PRRC2A: variants seen among roughly 807,000 people sequenced by gnomAD.
PRRC2A encodes the protein proline rich coiled-coil 2A.
A neutral mutation model predicts 224.6 loss-of-function variants in PRRC2A; 59 were observed. That is an observed-to-expected ratio of 0.26 (90% CI 0.21 to 0.33). The LOEUF is 0.33. PRRC2A is among the 10% of genes least tolerant of loss of function. The pLI, the probability that PRRC2A is intolerant of heterozygous loss-of-function variation, is 1.00. For synonymous variants in PRRC2A, 1,194 were observed against 1,109.5 expected, an observed-to-expected ratio of 1.08 and a Z score of -1.51; for missense variants, 3,095 against 2,880.7, an observed-to-expected ratio of 1.07 and a Z score of -1.70.
intron 5 of PRRC2A, 181 bp from the exon 6 acceptor site, chr6:31,624,990 G>C: frequency 1.5e-6 from 1 of 665,290 alleles, no homozygotes; most frequent in South Asian, 1.9e-5. Context: ...TAGTAGAGAT[G>C]GGGTTTCACA....
intron 1 of PRRC2A, among the ~76,000 whole-genome samples, chr6:31,621,198 C>T (rs1283277054): frequency 6.8e-5 from 4 of 58,404 alleles, no homozygotes; most frequent in Admixed American, 2.0e-4. Flanking sequence ...CCCTCCCCGG[C>T]TGCCGCCCCG....
rs770283037 is a variant in PRRC2A at position 31,637,148 on chromosome 6, T to G, written c.6242+12T>G. ...CCCCCAACTGGAAGGTGAAACGGAA[T>G]AGGGATGTGGACTTTCCAAGTGCTT... On this transcript the variant is annotated intron_variant, in intron 29 of 30. Coordinates refer to ENST00000376033, the MANE Select transcript of PRRC2A (RefSeq NM_004638.4). 6.2e-7 allele frequency: 1 copy of G among 1,610,664 alleles called. No homozygotes were observed. Among genetic ancestry groups the G allele is most frequent in the Non-Finnish European group, 8.5e-7 (1 of 1,178,344 alleles).
chr6:31,629,060 A>C, intron 12 of PRRC2A, 84 bp from the exon 13 acceptor site: 182 of 1,341,134 alleles, frequency 1.4e-4, no homozygotes, highest in Middle Eastern at 2.4e-4. Flanking sequence ...TAAGGGAGCT[A>C]GAGATGAGAC....
chr6:31,636,640 T>C lies in PRRC2A; in HGVS notation c.5934+32T>C, dbSNP rs1224854096. On this transcript the variant is annotated intron_variant, in intron 27 of 30. Coordinates refer to ENST00000376033, the MANE Select transcript of PRRC2A (RefSeq NM_004638.4). This position sits in a 1 kb window ranked among gnomAD's most constrained non-coding sequence, Gnocchi z 4.3. ...TGTATCTTCACACTTCCCCTTCATT[T>C]GATTTCTCTGTCCAGTTGCTGGCTT... The C allele has an allele frequency of 6.3e-7, 1 of 1,588,636 alleles. No homozygotes were observed. Among genetic ancestry groups the C allele is most frequent in the Non-Finnish European group, 8.6e-7 (1 of 1,163,468 alleles).
At position 31,632,358 on chromosome 6, in the gene PRRC2A, G is replaced by T. The variant is rs1330510585; in HGVS notation, c.3685G>T (p.Gly1229Cys). Residue 1229 changes from glycine to cysteine, a missense_variant, in exon 16 of 31, where the codon GGT becomes TGT. Around this residue, in one of 8 missense-constraint regions of PRRC2A, gnomAD observed 2,001 missense variants for 1,764.9 expected, o/e 1.13. Coordinates refer to ENST00000376033, the MANE Select transcript of PRRC2A (RefSeq NM_004638.4). ...SPVARGGSNG[G>C]SNVGMEDGER... The stretch of plus-strand genomic sequence containing the variant: ...TGTGGCGCGCGGAGGCAGCAATGGA[G>T]GTAGCAATGTGGGCATGGAAGATGG... The T allele has an allele frequency of 3.7e-6, 6 of 1,613,324 alleles. No homozygotes were observed. The highest frequency in any genetic ancestry group is 5.1e-6 in the Non-Finnish European group (6 of 1,179,946).
rs775963606 is a variant in PRRC2A, at chr6:31,632,700, C to T, written c.4027C>T (p.Pro1343Ser). ...ERRGDKEAPP[P>S]VLLTPKAVGT... ...CCGAGGGGACAAAGAGGCACCCCCA[C>T]CAGTACTGCTGACACCCAAGGCTGT... The change falls in exon 16 of 31, where the codon CCA (proline) becomes TCA (serine). Residue 1343 changes from proline to serine, a missense_variant. By Grantham distance (74) the Pro-to-Ser change is moderately conservative. This residue lies in a region of PRRC2A where 2,001 missense variants were observed against 1,764.9 expected (regional missense o/e 1.13). Transcript: ENST00000376033. The T allele has an allele frequency of 1.4e-5, 22 of 1,613,028 alleles. No individual in the cohort carries two copies. In the East Asian group the frequency reaches 4.2e-4, roughly 31 times the overall value.
At position 31,631,099 on chromosome 6, in the gene PRRC2A, C is replaced by T. The variant is rs748063845; in HGVS notation, c.2466-40C>T. On this transcript the variant is annotated intron_variant, in intron 15 of 30. Coordinates refer to ENST00000376033, the MANE Select transcript of PRRC2A (RefSeq NM_004638.4). The surrounding 1 kb of genome is among the most constrained non-coding windows in gnomAD (Gnocchi z 4.5). ...CTTTTCCCACCTAGTTCTGGTTTTC[C>T]TGAGATACTTATTTCCATTCTTTCT... 3.5e-6 allele frequency: 5 copies of T among 1,435,974 alleles called. No individual in the cohort carries two copies. The highest frequency in any genetic ancestry group is 3.8e-6 in the Non-Finnish European group (4 of 1,063,492). The allele number at this position is 1,435,974 out of a possible 1,614,324, so 89.0% of individuals were successfully genotyped here.
At chr6:31,634,679 T>C in intron 20 of PRRC2A, 74 bp from the exon 21 acceptor site, 1 of 1,565,160 alleles carries the variant, frequency 6.4e-7, no homozygotes, top group Non-Finnish European at 8.8e-7. Flanking sequence ...TTCTGCAGTT[T>C]GTATGTGTGC....
intron 1 of PRRC2A, among the ~76,000 whole-genome samples, chr6:31,622,112 T>A (rs1775357947): frequency 6.6e-6 from 1 of 152,186 alleles, no homozygotes; most frequent in African/African-American, 2.4e-5. Context: ...CAGCCCTAGT[T>A]GTTCTATGAG....
In PRRC2A at chr6:31,632,537, G is replaced by C; in HGVS notation, c.3864G>C (p.Glu1288Asp). 4.3e-6 allele frequency: 7 copies of C among 1,610,442 alleles called. No individual in the cohort carries two copies. The highest frequency in any genetic ancestry group is 5.9e-6 in the Non-Finnish European group (7 of 1,178,264). ...TLPASAPGPE[E>D]ALTTVTVAPA... is the part of the protein sequence containing the mutation. ...CAGCCTCCGCTCCTGGACCTGAGGA[G>C]GCCCTCACAACAGTCACAGTGGCCC... The change falls in exon 16 of 31, where the codon GAG becomes GAC. Residue 1288 changes from glutamate to aspartate, a missense_variant. Coordinates refer to ENST00000376033, the MANE Select transcript of PRRC2A (RefSeq NM_004638.4).
rs1367266743 is a variant in PRRC2A at position 31,625,794 on chromosome 6, G to A, written c.762G>A (p.Met254Ile). 4.4e-6 allele frequency: 7 copies of A among 1,574,208 alleles called. No homozygotes were observed. The highest frequency in any genetic ancestry group is 1.1e-5 in the South Asian group (1 of 90,214). The change falls in exon 8 of 31, where the codon ATG becomes ATA. Residue 254 changes from methionine to isoleucine, a missense_variant and splice_region_variant. Met to Ile is a conservative substitution (Grantham distance 10). Transcript: ENST00000376033. This position sits in a 1 kb window ranked among gnomAD's most constrained non-coding sequence, Gnocchi z 4.1. ...PPYRGMMPPF[M>I]YPPYLPFPPP... ...GCTACTGTTGGACCCTTTTACAGAT[G>A]TATCCCCCATATCTCCCGTTCCCTC...
Position 31,632,806 on chromosome 6 carries a change from A to C in PRRC2A, c.4133A>C (p.Lys1378Thr). 1.2e-6 allele frequency: 2 copies of C among 1,613,134 alleles called. No homozygotes were observed. The highest frequency in any genetic ancestry group is 1.7e-6 in the Non-Finnish European group (2 of 1,180,018). ...MSRGDLSQRAKDLSKRSFSSQ... is the reference protein window; with the variant it reads ...MSRGDLSQRATDLSKRSFSSQ... ...CGCGGAGATCTGAGCCAGAGAGCCA[A>C]GGATTTGAGTAAACGGAGCTTCTCA... The change falls in exon 16 of 31, where the codon AAG (lysine) becomes ACG (threonine). Residue 1378 changes from lysine (K) to threonine (T), a missense_variant. Transcript: ENST00000376033.
At chr6:31,633,775 G>C in intron 17 of PRRC2A, 84 bp from the exon 18 acceptor site, 1 of 1,530,946 alleles carries the variant, frequency 6.5e-7, no homozygotes. Flanking sequence ...AGCAAGGGTA[G>C]AAGAATTGGG....
chr6:31,636,510 G>A lies in PRRC2A; in HGVS notation c.5836G>A (p.Val1946Ile), dbSNP rs368045974. The A allele has an allele frequency of 2.1e-5, 34 of 1,609,378 alleles. 1 individual carries two copies. The highest frequency in any genetic ancestry group is 1.1e-4 in the East Asian group (5 of 44,800). ...TATATTTCTCCCTGTTTCCCGACAG[G>A]TACGCCAGGATCTGCCATCCCCTTC... Reference protein sequence around the residue: ...SPLPDTSLLQVRQDLPSPSDF... With the variant: ...SPLPDTSLLQIRQDLPSPSDF... The change falls in exon 27 of 31, where the codon GTA becomes ATA. Residue 1946 changes from valine to isoleucine, a missense_variant and splice_region_variant. By Grantham distance (29) the Val-to-Ile change is conservative. Transcript: ENST00000376033. This position sits in a 1 kb window ranked among gnomAD's most constrained non-coding sequence, Gnocchi z 4.3.
chr6:31,625,408 T>C lies in PRRC2A; in HGVS notation c.608-52T>C. 6.2e-7 allele frequency: 1 copy of C among 1,610,776 alleles called. No homozygotes were observed. The highest frequency in any genetic ancestry group is 1.1e-5 in the South Asian group (1 of 91,018). On this transcript the variant is annotated intron_variant, in intron 6 of 30. Coordinates refer to ENST00000376033, the MANE Select transcript of PRRC2A (RefSeq NM_004638.4). This position sits in a 1 kb window ranked among gnomAD's most constrained non-coding sequence, Gnocchi z 4.1. ...TTCCTCCCCATCACTTTCAGCTGTG[T>C]TCACTTGTCCTCCAATCATTGATAC...
At position 31,631,273 on chromosome 6, in the gene PRRC2A, C is replaced by G. The variant is rs377155981; in HGVS notation, c.2600C>G (p.Pro867Arg). Residue 867 changes from proline (P) to arginine (R), a missense_variant, in exon 16 of 31, where the codon CCC becomes CGC. Physicochemically the swap from Pro to Arg is moderately radical, Grantham distance 103. Transcript: ENST00000376033. This position sits in a 1 kb window ranked among gnomAD's most constrained non-coding sequence, Gnocchi z 4.5. ...EEPGPRPLPW[P>R]PGSDEVAKIQ... The stretch of plus-strand genomic sequence containing the variant: ...CCAGGGCCCCGTCCACTCCCCTGGC[C>G]CCCAGGCAGTGATGAAGTGGCCAAG... The G allele has an allele frequency of 6.2e-7, 1 of 1,612,416 alleles. No homozygotes were observed. The highest frequency in any genetic ancestry group is 8.5e-7 in the Non-Finnish European group (1 of 1,179,818).
At position 31,627,959 on chromosome 6, in the gene PRRC2A, A is replaced by G; in HGVS notation, c.1485A>G (p.Glu495=). ...ACAEKLKRLD[E]KFGAPDKRLK... Reference sequence around the variant, plus strand: ...CTGAGAAGCTCAAGCGACTCGATGAAAAGTTTGGGGCACCTGACAAGCGGC... The same window carrying G: ...CTGAGAAGCTCAAGCGACTCGATGAGAAGTTTGGGGCACCTGACAAGCGGC... The change falls in exon 12 of 31, where the codon GAA becomes GAG. Residue 495 remains glutamate, a synonymous_variant. Transcript: ENST00000376033. The surrounding 1 kb of genome is among the most constrained non-coding windows in gnomAD (Gnocchi z 5.6). 6.2e-7 allele frequency: 1 copy of G among 1,613,008 alleles called. No homozygotes were observed. The highest frequency in any genetic ancestry group is 8.5e-7 in the Non-Finnish European group (1 of 1,180,018).
At position 31,632,749 on chromosome 6, in the gene PRRC2A, G is replaced by C; in HGVS notation, c.4076G>C (p.Gly1359Ala). ...GTGGGAACTCCTGGGGGAGGTGGAG[G>C]TGGAGCCGTACCAGGTATTTCAGCC... ...KAVGTPGGGGGGAVPGISAMS... is the reference protein window; with the variant it reads ...KAVGTPGGGGAGAVPGISAMS... The change falls in exon 16 of 31, where the codon GGT becomes GCT. Residue 1359 changes from glycine to alanine, a missense_variant. Coordinates refer to ENST00000376033, the MANE Select transcript of PRRC2A (RefSeq NM_004638.4). The C allele has an allele frequency of 6.2e-7, 1 of 1,613,098 alleles. No homozygotes were observed. Among genetic ancestry groups the C allele is most frequent in the Non-Finnish European group, 8.5e-7 (1 of 1,180,040 alleles).
chr6:31,633,407 C>T lies in PRRC2A; in HGVS notation c.4348C>T (p.Leu1450Phe), dbSNP rs555501478. The T allele has an allele frequency of 2.9e-5, 47 of 1,612,998 alleles. No individual in the cohort carries two copies. In the South Asian group the frequency reaches 4.5e-4, roughly 15 times the overall value. Residue 1450 changes from leucine to phenylalanine, a missense_variant, in exon 17 of 31, where the codon CTT becomes TTT. Transcript: ENST00000376033. The stretch of plus-strand genomic sequence containing the variant: ...TCCTCCAGAGGAGCGTCCCCCGGGG[C>T]TTCCCCTGCCTCCCCCACCTCCCAG... Reference protein sequence around the residue: ...SRPPEERPPGLPLPPPPPSSS... With the variant: ...SRPPEERPPGFPLPPPPPSSS...
Sources: allele counts gnomAD v4.1 joint callset (sites outside exome capture counted in the v4.1 genomes callset), GRCh38; gene constraint gnomAD v4.1.1; regional missense constraint gnomAD v4.1.1; non-coding constraint Gnocchi (gnomAD v3.1); transcripts MANE v1.5; gene names NCBI Gene and HGNC (gene_info 2026-07-23, HGNC 2026-07-21).